Variants in SS18 observed in about 807,000 individuals in gnomAD.
SS18 encodes the protein protein SSXT.
SS18 carries 28 observed loss-of-function variants against 72.5 expected under a neutral mutation model. The ratio of observed to expected loss-of-function variants is 0.39; its 90% CI spans 0.29 to 0.53. SS18 has a LOEUF of 0.53. Ranked by LOEUF, SS18 falls within the 20% of genes least tolerant of loss-of-function variation. The probability of loss-of-function intolerance (pLI) is 0.76; values close to 1 mark genes in which losing one functional copy is unlikely to be tolerated. For synonymous variants in SS18, 172 were observed against 164.2 expected (o/e 1.05, Z -0.37); for missense variants, 518 against 535.3 (o/e 0.97, Z 0.32).
chr18:26,090,919 G>C (rs1291855093), upstream of SS18: 1 of 359,156 alleles, frequency 2.8e-6, no homozygotes, highest in South Asian at 3.5e-5. Context: ...GCCGCCGCGG[G>C]AGAAGGAGAG....
intron 9 of SS18, among the ~76,000 whole-genome samples, chr18:26,034,739 A>G (rs12960119): frequency 0.25 from 38,721 of 152,046 alleles, 8,624 homozygotes; most frequent in African/African-American, 0.6. Flanking sequence ...TGACAAATAC[A>G]TCTGATAATT....
intron 3 of SS18, among the ~76,000 whole-genome samples, chr18:26,066,027 C>G (rs2054209393): frequency 6.6e-6 from 1 of 151,876 alleles, no homozygotes; most frequent in Non-Finnish European, 1.5e-5. Flanking sequence ...AATTACACCT[C>G]ATGTCACTTT....
At chr18:26,021,415 A>G (rs930977025) in intron 10 of SS18, among the ~76,000 whole-genome samples, 1 of 152,224 alleles carries the variant, frequency 6.6e-6, no homozygotes, top group African/African-American at 2.4e-5. Context: ...TGAACAGAGC[A>G]TGGGCTTTCA....
At chr18:26,049,855 C>T (rs1442066201) in intron 5 of SS18, among the ~76,000 whole-genome samples, 1 of 152,156 alleles carries the variant, frequency 6.6e-6, no homozygotes, top group Non-Finnish European at 1.5e-5. Context: ...AAAAAATAAA[C>T]TTTATCTGGG....
At chr18:26,058,650 T>C (rs1004269316) in intron 3 of SS18, among the ~76,000 whole-genome samples, 7 of 152,240 alleles carry the variant, frequency 4.6e-5, no homozygotes, top group Non-Finnish European at 1.0e-4. Flanking sequence ...GCACACTTAA[T>C]AGATACACAT....
intron 2 of SS18, chr18:26,082,461 T>C: frequency 1.0e-6 from 1 of 983,662 alleles, no homozygotes; most frequent in Non-Finnish European, 1.2e-6. Flanking sequence ...TAAATTACGA[T>C]GAATGATCGA....
At chr18:26,032,350 G>T in intron 10 of SS18, 49 bp downstream of exon 10, 2 of 1,596,578 alleles carry the variant, frequency 1.3e-6, no homozygotes, top group South Asian at 1.1e-5. Flanking sequence ...TCACCTAATC[G>T]AGAGTGAAGA....
chr18:26,035,174 A>C lies in SS18; in HGVS notation c.974-47T>G. The C allele has an allele frequency of 6.2e-7, 1 of 1,601,504 alleles. No homozygotes were observed. Among genetic ancestry groups the C allele is most frequent in the South Asian group, 1.1e-5 (1 of 89,720 alleles). On this transcript the variant is annotated intron_variant, in intron 8 of 10. Coordinates refer to ENST00000415083, the MANE Select transcript of SS18 (RefSeq NM_001007559.3). The surrounding 1 kb of genome is among the most constrained non-coding windows in gnomAD (Gnocchi z 4.4). ...GGAAAAAAAACTGAGAAGTCTGCTT[A>C]AGTAACTTTTTTCCCTCTAAGATGC...
At chr18:26,080,415 T>C (rs1453927772) in intron 2 of SS18, 7 of 984,986 alleles carry the variant, frequency 7.1e-6, no homozygotes, top group Non-Finnish European at 8.4e-6. Flanking sequence ...ATGTGGTTTA[T>C]TCATGACCCT....
intron 3 of SS18, among the ~76,000 whole-genome samples, chr18:26,063,789 T>C (rs1055884317): frequency 2.0e-5 from 3 of 151,982 alleles, no homozygotes; most frequent in Non-Finnish European, 4.4e-5. Flanking sequence ...GAGGAAATAA[T>C]GTAAACAAGA....
In SS18 at chr18:26,072,793, T is replaced by A. The variant is rs556577811; in HGVS notation, c.231+5283A>T. 7.3e-3 allele frequency among the ~76,000 whole-genome samples: 539 copies of A among 74,070 alleles called. 3 individuals are homozygous for A. Among genetic ancestry groups the A allele is most frequent in the Middle Eastern group, 0.023 (2 of 88 alleles). 48.6% of individuals were successfully genotyped at this position (74,070 alleles called of 152,430 possible). ...GCCTGGGCAACAGAGCGAGACTCCGTCTCAAAAAAAAAAAAAAAAAAAAAA... is the reference window on the plus strand; with the variant it reads ...GCCTGGGCAACAGAGCGAGACTCCGACTCAAAAAAAAAAAAAAAAAAAAAA... On this transcript the variant is annotated intron_variant, in intron 3 of 10. Transcript: ENST00000415083.
At chr18:26,064,207 G>T (rs2031864677) in intron 3 of SS18, among the ~76,000 whole-genome samples, 2 of 152,086 alleles carry the variant, frequency 1.3e-5, no homozygotes, top group Admixed American at 1.3e-4. Context: ...CTTCAATAGA[G>T]AATTCTTCTA....
At chr18:26,048,267 C>T (rs942638214) in intron 5 of SS18, among the ~76,000 whole-genome samples, 3 of 152,092 alleles carry the variant, frequency 2.0e-5, no homozygotes, top group Admixed American at 6.5e-5. Context: ...ATTTATCCTA[C>T]AAAAATCTTG....
At chr18:26,027,763 T>G (rs2053476829) in intron 10 of SS18, among the ~76,000 whole-genome samples, 1 of 141,096 alleles carries the variant, frequency 7.1e-6, no homozygotes, top group African/African-American at 2.6e-5. Flanking sequence ...AAAAAAGCCA[T>G]GCAAACTTTA....
rs945378954 is a variant in SS18 at position 26,074,533 on chromosome 18, G to A, written c.231+3543C>T. ...TAAGCCAGACATTTAACAGAAACTT[G>A]CAAAAACGTAACATGATGCCATTCA... is the stretch of plus-strand genomic sequence containing the variant. On this transcript the variant is annotated intron_variant, in intron 3 of 10. Coordinates refer to ENST00000415083, the MANE Select transcript of SS18 (RefSeq NM_001007559.3). 2.6e-5 allele frequency among the ~76,000 whole-genome samples: 4 copies of A among 151,944 alleles called. No homozygotes were observed. The East Asian group carries it at 5.8e-4, about 22-fold the overall frequency.
chr18:26,063,658 C>T (rs775912355), intron 3 of SS18, among the ~76,000 whole-genome samples: 14 of 152,032 alleles, frequency 9.2e-5, no homozygotes, highest in Non-Finnish European at 1.8e-4. Flanking sequence ...TTAAGCTATG[C>T]TTACAGGACC....
Position 26,090,539 on chromosome 18 carries a change from G to A in SS18, c.31C>T (p.Arg11Ter). 1.3e-6 allele frequency: 2 copies of A among 1,588,626 alleles called. No homozygotes were observed. The highest frequency in any genetic ancestry group is 3.5e-5 in the Admixed American group (2 of 57,604). MSVAFAAPRQ[R>*]GKGEITPAAI... ...GCGGGAGTGATCTCCCCCTTGCCTC[G>A]CTGCCTCGGGGCCGCGAAAGCCACA... Residue 11 changes from arginine to a stop codon, truncating the protein, a stop_gained, in exon 1 of 11, where the codon CGA (arginine) becomes TGA (stop). Coordinates refer to ENST00000415083, the MANE Select transcript of SS18 (RefSeq NM_001007559.3). LOFTEE classifies it high-confidence loss of function.
intron 2 of SS18, among the ~76,000 whole-genome samples, chr18:26,083,502 T>C (rs972086654): frequency 2.0e-5 from 3 of 152,326 alleles, no homozygotes; most frequent in East Asian, 3.9e-4. Flanking sequence ...CTAGATGGTA[T>C]AGCTTACTAC....
chr18:26,048,095 A>T (rs1024973623), intron 5 of SS18, among the ~76,000 whole-genome samples: 1 of 152,258 alleles, frequency 6.6e-6, no homozygotes, highest in Non-Finnish European at 1.5e-5. Flanking sequence ...TCCGCTATAT[A>T]TTTAGCAAAT....
Sources: gnomAD v4.1 joint callset for allele counts (sites outside exome capture counted in the v4.1 genomes callset) on GRCh38, gnomAD v4.1.1 for gene constraint, Gnocchi (gnomAD v3.1) non-coding constraint, MANE v1.5 for transcripts, NCBI Gene and HGNC (gene_info 2026-07-23, HGNC 2026-07-21) for gene names.